NAALAD2: variants seen among roughly 807,000 people sequenced by gnomAD.
NAALAD2 encodes N-acetylated-alpha-linked acidic dipeptidase 2.
In NAALAD2, 89 loss-of-function variants were observed where a neutral mutation model predicts 95.6. That is an observed-to-expected ratio of 0.93 (90% CI 0.78 to 1.11). NAALAD2 has a LOEUF of 1.11. Ranked by LOEUF, NAALAD2 falls within the 50% of genes least tolerant of loss-of-function variation. The pLI, the probability that NAALAD2 is intolerant of heterozygous loss-of-function variation, is 0.00. For missense variants in NAALAD2, 894 were observed against 872.4 expected (o/e 1.02, Z -0.31); for synonymous variants, 264 against 294.4 (o/e 0.90, Z 1.06).
At position 90,134,693 on chromosome 11, in the gene NAALAD2, CT is replaced by C; in HGVS notation, c.-65del. ...TCACAGCCTCCTGCCAGCGCGCTCT[CT>C]GTTTCTCTGCAGCCCCGAAGCTCGC... On this transcript the variant is annotated 5_prime_UTR_variant, in exon 1 of 19. Transcript: ENST00000534061. 1 of 1,532,334 alleles carries C rather than the reference CT, an allele frequency of 6.5e-7. No homozygotes were observed. The highest frequency in any genetic ancestry group is 9.0e-7 in the Non-Finnish European group (1 of 1,108,130). 94.9% of individuals were successfully genotyped at this position (1,532,334 alleles called of 1,614,324 possible).
intron 15 of NAALAD2, among the ~76,000 whole-genome samples, chr11:90,176,719 G>C (rs111639093): frequency 5.3e-4 from 81 of 152,222 alleles, no homozygotes; most frequent in African/African-American, 1.8e-3. Context: ...AGCAGACACA[G>C]ATTTGTCATA....
chr11:90,173,050 T>A (rs1952686125), intron 13 of NAALAD2, among the ~76,000 whole-genome samples: 2 of 152,158 alleles, frequency 1.3e-5, no homozygotes. Flanking sequence ...TAGTCTAGAT[T>A]TAAAATAGAC....
chr11:90,159,082 T>G (rs3740809), intron 7 of NAALAD2, 157 bp from the exon 8 acceptor site: 240,068 of 622,450 alleles, frequency 0.39, 47,469 homozygotes, highest in Admixed American at 0.51. Context: ...TGCTAGAAAA[T>G]AAGCTCCACA....
chr11:90,177,586 GTTTT>G (rs57694347), intron 15 of NAALAD2, among the ~76,000 whole-genome samples: 12 of 28,430 alleles, frequency 4.2e-4, no homozygotes, highest in Admixed American at 5.3e-4. Context: ...TCTTTTTCTT[GTTTT>G]TTTTTTTTTT....
At chr11:90,139,243 C>T (rs750121090) in intron 2 of NAALAD2, among the ~76,000 whole-genome samples, 3 of 151,726 alleles carry the variant, frequency 2.0e-5, no homozygotes, top group Non-Finnish European at 2.9e-5. Context: ...GTTGTACAAA[C>T]AAAAGACTGA....
At chr11:90,140,964 T>A (rs997758557) in intron 2 of NAALAD2, among the ~76,000 whole-genome samples, 2 of 152,176 alleles carry the variant, frequency 1.3e-5, no homozygotes, top group Non-Finnish European at 2.9e-5. Context: ...TGTTAAAATG[T>A]TATCCTTCTT....
intron 11 of NAALAD2, among the ~76,000 whole-genome samples, chr11:90,167,292 A>AGCCT (rs2134935635): frequency 1.3e-5 from 2 of 152,130 alleles, no homozygotes; most frequent in African/African-American, 4.8e-5. Flanking sequence ...GGCGCCGGCC[A>AGCCT]GCCTGCAAGC....
intron 1 of NAALAD2, among the ~76,000 whole-genome samples, 173 bp from the exon 2 acceptor site, chr11:90,135,386 G>A (rs1951428519): frequency 6.6e-6 from 1 of 152,094 alleles, no homozygotes; most frequent in Non-Finnish European, 1.5e-5. Context: ...TTACATATCA[G>A]AATTTACAGG....
intron 2 of NAALAD2, among the ~76,000 whole-genome samples, chr11:90,138,299 G>A (rs1483302288): frequency 6.6e-6 from 1 of 152,048 alleles, no homozygotes; most frequent in Non-Finnish European, 1.5e-5. Context: ...GAAGAGGAGG[G>A]GTTGGTCTTG....
intron 8 of NAALAD2, among the ~76,000 whole-genome samples, chr11:90,159,861 G>A (rs1952236344): frequency 7.4e-6 from 1 of 134,662 alleles, no homozygotes; most frequent in African/African-American, 2.5e-5. Flanking sequence ...GGCTGAGGCA[G>A]GAGAATCACT....
intron 18 of NAALAD2, among the ~76,000 whole-genome samples, chr11:90,184,990 C>T (rs1330371242): frequency 6.6e-6 from 1 of 152,048 alleles, no homozygotes; most frequent in Admixed American, 6.6e-5. Flanking sequence ...CAATCTAGAG[C>T]TGATTTAAAG....
intron 11 of NAALAD2, chr11:90,163,845 C>T (rs1042048259): frequency 1.3e-5 from 6 of 447,600 alleles, no homozygotes; most frequent in South Asian, 6.3e-5. Flanking sequence ...AAAATATTTT[C>T]GTTGCCATTT....
At chr11:90,165,623 T>G (rs1952419224) in intron 11 of NAALAD2, among the ~76,000 whole-genome samples, 1 of 152,222 alleles carries the variant, frequency 6.6e-6, no homozygotes, top group Admixed American at 6.5e-5. Flanking sequence ...CACCCTTTGT[T>G]GATTACATTT....
Position 90,192,378 on chromosome 11 carries a change from T to C in NAALAD2, c.*631T>C, listed in dbSNP as rs372598648. 1.5e-4 allele frequency: 23 copies of C among 152,102 alleles called. No individual in the cohort carries two copies. The East Asian group carries it at 2.9e-3, about 19-fold the overall frequency. The allele number at this position is 152,102 out of a possible 1,614,324, so 9.4% of individuals were successfully genotyped here. A position where few individuals can be genotyped will look rare whatever the true frequency, so the allele number is the denominator to read the frequency against. ...GCCAGACAAACAACTACATAAAATA[T>C]GTTTCTATTTAGATGAAGTGGCAAA... On this transcript the variant is annotated 3_prime_UTR_variant, in exon 19 of 19. Transcript: ENST00000534061.
intron 2 of NAALAD2, among the ~76,000 whole-genome samples, chr11:90,141,289 T>G (rs1951606682): frequency 6.6e-6 from 1 of 152,208 alleles, no homozygotes; most frequent in African/African-American, 2.4e-5. Context: ...TTGATAGGAA[T>G]TACATTAATC....
chr11:90,168,430 C>CT (rs1285705488), intron 11 of NAALAD2, among the ~76,000 whole-genome samples: 1 of 152,200 alleles, frequency 6.6e-6, no homozygotes, highest in African/African-American at 2.4e-5. Flanking sequence ...TTGTTTGAAC[C>CT]TGGGAGGCCG....
intron 13 of NAALAD2, among the ~76,000 whole-genome samples, chr11:90,171,169 T>C (rs1447625360): frequency 6.6e-6 from 1 of 152,222 alleles, no homozygotes; most frequent in Non-Finnish European, 1.5e-5. Flanking sequence ...ACTCATTTAA[T>C]ATCTGTGAAC....
intron 18 of NAALAD2, among the ~76,000 whole-genome samples, chr11:90,184,665 T>C (rs1205365180): frequency 6.6e-6 from 1 of 152,104 alleles, no homozygotes; most frequent in African/African-American, 2.4e-5. Context: ...GCATATAAAA[T>C]AAAAAGGAGC....
chr11:90,175,836 TA>T (rs1952774155), intron 14 of NAALAD2, 135 bp from the exon 15 acceptor site: 2 of 438,046 alleles, frequency 4.6e-6, no homozygotes, highest in Non-Finnish European at 8.0e-6. Flanking sequence ...TGACCTTTTT[TA>T]AATTCTTATA....
Sources: gnomAD v4.1 joint callset for allele counts (sites outside exome capture counted in the v4.1 genomes callset) on GRCh38, gnomAD v4.1.1 for gene constraint, MANE v1.5 for transcripts, NCBI Gene and HGNC (gene_info 2026-07-23, HGNC 2026-07-21) for gene names.